NUP205: variants seen among roughly 807,000 people sequenced by gnomAD.
NUP205 encodes the protein nucleoporin 205.
Under a neutral mutation model 253.8 loss-of-function variants are expected in NUP205, and 76 were observed. The ratio of observed to expected loss-of-function variants is 0.30; its 90% CI spans 0.25 to 0.36. The LOEUF (loss-of-function observed/expected upper bound fraction) is 0.36, where lower values mean the gene tolerates loss of function less well. Ranked by LOEUF, NUP205 falls within the 10% of genes least tolerant of loss-of-function variation. The pLI is 1.00. For missense variants in NUP205, 2,162 were observed against 2,425.5 expected (o/e 0.89, Z 2.28); for synonymous variants, 832 against 850.1 (o/e 0.98, Z 0.37).
At chr7:135,625,097 AT>A in intron 31 of NUP205, 66 bp from the exon 32 acceptor site, 1 of 1,184,226 alleles carries the variant, frequency 8.4e-7, no homozygotes, top group Non-Finnish European at 1.2e-6. Flanking sequence ...TGTCAGATAA[AT>A]TCAGTTACTG....
intron 1 of NUP205, among the ~76,000 whole-genome samples, chr7:135,568,674 T>A (rs1375023195): frequency 6.6e-6 from 1 of 152,204 alleles, no homozygotes; most frequent in Non-Finnish European, 1.5e-5. Context: ...TGTATATACA[T>A]GTGTACTGGG....
At chr7:135,608,632 CAGGAGGTAG>C (rs962883077) in intron 22 of NUP205, among the ~76,000 whole-genome samples, 1 of 151,978 alleles carries the variant, frequency 6.6e-6, no homozygotes, top group Non-Finnish European at 1.5e-5. Context: ...TGCTTGAACC[CAGGAGGTAG>C]AGGTTGCAGT....
chr7:135,559,873 T>C (rs1272849205), intron 1 of NUP205, among the ~76,000 whole-genome samples: 1 of 150,358 alleles, frequency 6.7e-6, no homozygotes, highest in Non-Finnish European at 1.5e-5. Context: ...GCTAATTTTT[T>C]TTTGAGATGG....
intron 34 of NUP205, 123 bp downstream of exon 34, chr7:135,628,234 A>G: frequency 1.1e-6 from 1 of 889,210 alleles, no homozygotes; most frequent in Non-Finnish European, 1.6e-6. Flanking sequence ...GTGGCAGAGC[A>G]GGGTAGAGAA....
intron 1 of NUP205, among the ~76,000 whole-genome samples, chr7:135,564,516 T>TG (rs201010585): frequency 0.025 from 3,793 of 151,568 alleles, 92 homozygotes; most frequent in South Asian, 0.077. Context: ...CCCAAAGTGC[T>TG]GGATTACAGG....
chr7:135,600,036 A>G (rs779950594), intron 15 of NUP205, among the ~76,000 whole-genome samples: 4 of 152,146 alleles, frequency 2.6e-5, no homozygotes, highest in African/African-American at 4.8e-5. Context: ...TTATAGTCCC[A>G]TTTTCTAACT....
chr7:135,595,019 T>C (rs1031609631), intron 13 of NUP205, among the ~76,000 whole-genome samples: 1 of 152,182 alleles, frequency 6.6e-6, no homozygotes, highest in Non-Finnish European at 1.5e-5. Flanking sequence ...GGACAGAATT[T>C]GTCCACTCTG....
At chr7:135,597,493 C>T in intron 14 of NUP205, 75 bp downstream of exon 14, 1 of 864,034 alleles carries the variant, frequency 1.2e-6, no homozygotes, top group Admixed American at 2.0e-5. Context: ...ATCATTCTTA[C>T]CCTTTTACGT....
rs1274656667 is a variant in NUP205 at position 135,642,608 on chromosome 7, T to C, written c.5393-584T>C. 3.9e-5 allele frequency among the ~76,000 whole-genome samples: 6 copies of C among 152,240 alleles called. No homozygotes were observed. The East Asian group carries it at 1.2e-3, about 29-fold the overall frequency. ...GGCAGATCATTTTGTTTTACTACCG[T>C]AATGTAGCTGTTGTGGCAAAAGATT... is the stretch of plus-strand genomic sequence containing the variant. On this transcript the variant is annotated intron_variant, in intron 38 of 42. Coordinates refer to ENST00000285968, the MANE Select transcript of NUP205 (RefSeq NM_015135.3).
At chr7:135,558,291 A>C in intron 1 of NUP205, 1 of 398,288 alleles carries the variant, frequency 2.5e-6, no homozygotes, top group South Asian at 2.8e-5. Flanking sequence ...TGTGGTCCCG[A>C]TTTCGCTGGA....
chr7:135,635,060 C>G (rs1008396368), intron 35 of NUP205, among the ~76,000 whole-genome samples: 1 of 152,124 alleles, frequency 6.6e-6, no homozygotes, highest in African/African-American at 2.4e-5. Flanking sequence ...CATTAGAAAT[C>G]AGGAGAGGCT....
intron 3 of NUP205, among the ~76,000 whole-genome samples, chr7:135,575,141 A>G (rs1439185556): frequency 6.6e-6 from 1 of 152,242 alleles, no homozygotes; most frequent in African/African-American, 2.4e-5. Context: ...ATTGAGAATG[A>G]TGTGGAAACA....
chr7:135,558,088 T>C, intron 1 of NUP205, 116 bp downstream of exon 1: 4 of 883,370 alleles, frequency 4.5e-6, no homozygotes, highest in Middle Eastern at 2.2e-4. Context: ...GGTGCCTGCT[T>C]TTCCCTAATT....
Position 135,558,251 on chromosome 7 carries a change from C to T in NUP205, c.28+279C>T. 3 of 473,060 alleles carry T rather than the reference C, an allele frequency of 6.3e-6. No individual in the cohort carries two copies. In the East Asian group the frequency reaches 1.1e-4, roughly 18 times the overall value. The allele number at this position is 473,060 out of a possible 1,614,324, so 29.3% of individuals were successfully genotyped here. A position where few individuals can be genotyped will look rare whatever the true frequency, so the allele number is the denominator to read the frequency against. On this transcript the variant is annotated intron_variant, in intron 1 of 42. Coordinates refer to ENST00000285968, the MANE Select transcript of NUP205 (RefSeq NM_015135.3). The stretch of plus-strand genomic sequence containing the variant: ...CTCACAGCCCAGGGCTGAGTCTGGT[C>T]CCCCTCACCCCCAAGTTTCACTGTG...
At chr7:135,558,297 C>T in intron 1 of NUP205, 1 of 392,516 alleles carries the variant, frequency 2.5e-6, no homozygotes, top group Non-Finnish European at 4.8e-6. Flanking sequence ...CCCGATTTCG[C>T]TGGAATACGC....
Position 135,567,124 on chromosome 7 carries a change from GTGTGTATATATA to G in NUP205, c.29-3979_29-3968del, listed in dbSNP as rs1454630997. On this transcript the variant is annotated intron_variant, in intron 1 of 42. Transcript: ENST00000285968. ...ATTCTGTCTGTCTTGCTCAGTCTAT[GTGTGTATATATA>G]TATATATATATATATATATATATAT... Among the ~76,000 whole-genome samples, 166 of 24,232 alleles carry G rather than the reference GTGTGTATATATA, an allele frequency of 6.9e-3. 10 individuals carry two copies. Among genetic ancestry groups the G allele is most frequent in the East Asian group, 0.029 (9 of 312 alleles). 15.9% of individuals were successfully genotyped at this position (24,232 alleles called of 152,430 possible).
At chr7:135,648,149 A>C (rs2129492773) in intron 42 of NUP205, among the ~76,000 whole-genome samples, 1 of 152,198 alleles carries the variant, frequency 6.6e-6, no homozygotes, top group East Asian at 1.9e-4. Flanking sequence ...ATCAACATTC[A>C]TTGCTATTTA....
chr7:135,598,626 G>A (rs1793898514), intron 15 of NUP205, among the ~76,000 whole-genome samples: 1 of 152,202 alleles, frequency 6.6e-6, no homozygotes, highest in South Asian at 2.1e-4. Context: ...GCGGGAAGGA[G>A]TATTGTAATC....
In NUP205 at chr7:135,577,121, G is replaced by T; in HGVS notation, c.641G>T (p.Arg214Leu). 1.9e-6 allele frequency: 3 copies of T among 1,609,616 alleles called. No individual in the cohort carries two copies. The highest frequency in any genetic ancestry group is 2.2e-5 in the South Asian group (2 of 90,190). Residue 214 changes from arginine (R) to leucine (L), a missense_variant, in exon 5 of 43, where the codon CGC becomes CTC. Coordinates refer to ENST00000285968, the MANE Select transcript of NUP205 (RefSeq NM_015135.3). ...RERGLGSEKHRKEVSDLIKEC... is the reference protein window; with the variant it reads ...RERGLGSEKHLKEVSDLIKEC... ...AGAGGTTTGGGCAGTGAAAAACATC[G>T]CAAAGAGGCAAGGGTTCAATGAAAT...
Sources: gnomAD v4.1 joint callset for allele counts (sites outside exome capture counted in the v4.1 genomes callset) on GRCh38, gnomAD v4.1.1 for gene constraint, MANE v1.5 for transcripts, NCBI Gene and HGNC (gene_info 2026-07-23, HGNC 2026-07-21) for gene names.